AUTS2: variants seen among roughly 807,000 people sequenced by gnomAD.
The protein encoded by AUTS2 is autism susceptibility gene 2 protein.
Under a neutral mutation model 112.4 loss-of-function variants are expected in AUTS2, and 17 were observed. That is an observed-to-expected ratio of 0.15 (90% confidence interval 0.10 to 0.23). The LOEUF is 0.23. AUTS2 is among the 10% of genes least tolerant of loss of function. The pLI, the probability that AUTS2 is intolerant of heterozygous loss-of-function variation, is 1.00. For synonymous variants in AUTS2, 751 were observed against 702.7 expected (o/e 1.07, Z -1.09); for missense variants, 1,510 against 1,701.6 (o/e 0.89, Z 1.98).
At chr7:70,287,369 G>A (rs932228360) in intron 4 of AUTS2, among the ~76,000 whole-genome samples, 1 of 152,178 alleles carries the variant, frequency 6.6e-6, no homozygotes, top group African/African-American at 2.4e-5. Flanking sequence ...TTTATTTGTA[G>A]TGTACTTCTA....
intron 1 of AUTS2, among the ~76,000 whole-genome samples, chr7:69,745,104 G>A (rs958038289): frequency 3.9e-5 from 6 of 152,202 alleles, no homozygotes; most frequent in Middle Eastern, 3.4e-3. Flanking sequence ...TGAGCATTTC[G>A]CCTTTGCATT....
intron 9 of AUTS2, among the ~76,000 whole-genome samples, chr7:70,767,615 C>G (rs1790022932): frequency 6.6e-6 from 1 of 152,196 alleles, no homozygotes. Flanking sequence ...TTTCAGAAGA[C>G]AGCTGCATGG....
At chr7:70,755,378 C>G (rs993938745) in intron 6 of AUTS2, among the ~76,000 whole-genome samples, 5 of 151,858 alleles carry the variant, frequency 3.3e-5, no homozygotes, top group Admixed American at 3.3e-4. Flanking sequence ...AAAATCTATT[C>G]AATAGTCCAG....
At chr7:70,133,315 T>C (rs1806373534) in intron 3 of AUTS2, among the ~76,000 whole-genome samples, 1 of 152,210 alleles carries the variant, frequency 6.6e-6, no homozygotes, top group Non-Finnish European at 1.5e-5. Flanking sequence ...TTTATAGATG[T>C]CAAATTCTCC....
chr7:70,165,408 G>T (rs7799192), intron 4 of AUTS2, among the ~76,000 whole-genome samples: 32,023 of 151,988 alleles, frequency 0.21, 3,361 homozygotes, highest in Middle Eastern at 0.32. Context: ...TGAAGACAGA[G>T]AAAAAAATAA....
intron 1 of AUTS2, among the ~76,000 whole-genome samples, chr7:69,882,977 G>A (rs573017532): frequency 6.6e-6 from 1 of 152,262 alleles, no homozygotes; most frequent in African/African-American, 2.4e-5. Context: ...TTTACTGCCT[G>A]TACCAGGAAG....
At chr7:70,076,776 A>G (rs1320969772) in intron 2 of AUTS2, among the ~76,000 whole-genome samples, 1 of 152,196 alleles carries the variant, frequency 6.6e-6, no homozygotes, top group African/African-American at 2.4e-5. Context: ...GATAAATGGG[A>G]AACCCTGTGT....
chr7:70,243,967 T>C (rs1812767291), intron 4 of AUTS2, among the ~76,000 whole-genome samples: 1 of 151,808 alleles, frequency 6.6e-6, no homozygotes, highest in African/African-American at 2.4e-5. Context: ...TATTACAGTA[T>C]AGTAATACTA....
intron 4 of AUTS2, among the ~76,000 whole-genome samples, chr7:70,274,284 A>G (rs947149255): frequency 2.0e-5 from 3 of 150,184 alleles, no homozygotes; most frequent in Non-Finnish European, 3.0e-5. Flanking sequence ...TCTTTATTTT[A>G]TATAGAAACT....
intron 1 of AUTS2, among the ~76,000 whole-genome samples, chr7:69,807,997 G>A (rs957446028): frequency 1.6e-4 from 23 of 146,738 alleles, no homozygotes; most frequent in African/African-American, 5.3e-4. Flanking sequence ...AGGCTGGAGT[G>A]CAGTGGCACG....
At chr7:70,298,692 C>T (rs1158487782) in intron 4 of AUTS2, among the ~76,000 whole-genome samples, 1 of 152,208 alleles carries the variant, frequency 6.6e-6, no homozygotes, top group African/African-American at 2.4e-5. Flanking sequence ...TAAATCACTA[C>T]ACTGGCAGTA....
chr7:70,239,190 C>G (rs1377586706), intron 4 of AUTS2, among the ~76,000 whole-genome samples: 2 of 152,214 alleles, frequency 1.3e-5, no homozygotes, highest in Middle Eastern at 3.4e-3. Context: ...TTTACAAACC[C>G]TCTGCCTCCC....
chr7:70,024,324 A>T (rs1278336642), intron 2 of AUTS2, among the ~76,000 whole-genome samples: 2 of 152,230 alleles, frequency 1.3e-5, no homozygotes, highest in Admixed American at 6.5e-5. Flanking sequence ...GTATTTAGTG[A>T]ATTGAGAACA....
chr7:69,965,724 CT>C (rs1185355513), intron 2 of AUTS2, among the ~76,000 whole-genome samples: 5 of 152,092 alleles, frequency 3.3e-5, no homozygotes, highest in African/African-American at 1.2e-4. Flanking sequence ...AATTAGAGGT[CT>C]TATTTTTGGT....
intron 1 of AUTS2, among the ~76,000 whole-genome samples, chr7:69,713,945 C>T (rs1479115553): frequency 6.6e-6 from 1 of 152,102 alleles, no homozygotes; most frequent in East Asian, 1.9e-4. Flanking sequence ...CTTTTGGTCT[C>T]ATAACTAAGA....
intron 4 of AUTS2, chr7:70,194,909 T>G (rs1810094365): frequency 6.6e-6 from 1 of 152,184 alleles, no homozygotes; most frequent in Non-Finnish European, 1.5e-5. Flanking sequence ...AGGTGTTATC[T>G]CAGACAGCAC....
At chr7:70,114,559 G>A (rs1476915159) in intron 2 of AUTS2, among the ~76,000 whole-genome samples, 1 of 152,092 alleles carries the variant, frequency 6.6e-6, no homozygotes, top group East Asian at 1.9e-4. Context: ...TTGGGAGGCC[G>A]AGGTGGGCAG....
intron 5 of AUTS2, among the ~76,000 whole-genome samples, chr7:70,665,681 G>A (rs1195438528): frequency 6.6e-6 from 1 of 152,036 alleles, no homozygotes; most frequent in Non-Finnish European, 1.5e-5. Context: ...AAACAACTCG[G>A]GTTTGAAATG....
chr7:70,579,448 A>G (rs968908231), intron 5 of AUTS2, among the ~76,000 whole-genome samples: 6 of 151,884 alleles, frequency 4.0e-5, no homozygotes, highest in African/African-American at 7.3e-5. Context: ...TTTCTAAGCA[A>G]TTAATTTGCT....
Sources: allele counts gnomAD v4.1 joint callset (sites outside exome capture counted in the v4.1 genomes callset), GRCh38; gene constraint gnomAD v4.1.1; transcripts MANE v1.5; gene names NCBI Gene and HGNC (gene_info 2026-07-23, HGNC 2026-07-21).